The following GLRB variants were observed in gnomAD, a reference collection of about 807,000 sequenced individuals.
GLRB encodes glycine receptor subunit beta.
GLRB carries 33 observed loss-of-function variants against 54.2 expected under a neutral mutation model. That is an observed-to-expected ratio of 0.61 (90% CI 0.46 to 0.81). GLRB has a LOEUF of 0.81. Ranked by LOEUF, GLRB falls within the 40% of genes least tolerant of loss-of-function variation. The probability of loss-of-function intolerance (pLI) is 0.00; values close to 1 mark genes in which losing one functional copy is unlikely to be tolerated. For synonymous variants in GLRB, 209 were observed against 208.2 expected (o/e 1.00, Z -0.03); for missense variants, 572 against 584.6 (o/e 0.98, Z 0.22).
At chr4:157,141,708 A>G (rs571126346) in intron 7 of GLRB, among the ~76,000 whole-genome samples, 1 of 152,104 alleles carries the variant, frequency 6.6e-6, no homozygotes, top group South Asian at 2.1e-4. Context: ...GGAAAAGATC[A>G]AAAAAAGATC....
intron 7 of GLRB, among the ~76,000 whole-genome samples, chr4:157,139,276 T>A (rs1471975727): frequency 3.3e-5 from 5 of 152,116 alleles, no homozygotes; most frequent in Non-Finnish European, 7.4e-5. Context: ...GGATTCCACT[T>A]GGGGCTGAAC....
intron 4 of GLRB, among the ~76,000 whole-genome samples, chr4:157,134,539 G>T (rs546390172): frequency 1.4e-4 from 22 of 151,976 alleles, no homozygotes; most frequent in Admixed American, 1.2e-3. Context: ...ATACCTATAA[G>T]ATTTTAATAC....
intron 2 of GLRB, among the ~76,000 whole-genome samples, chr4:157,091,926 T>C (rs922786666): frequency 1.3e-5 from 2 of 152,186 alleles, no homozygotes; most frequent in Non-Finnish European, 2.9e-5. Flanking sequence ...CTAAGTCAAC[T>C]ACTCTATGAA....
chr4:157,118,579 C>T (rs1735690187), intron 2 of GLRB, among the ~76,000 whole-genome samples: 1 of 151,550 alleles, frequency 6.6e-6, no homozygotes, highest in South Asian at 2.1e-4. Context: ...GGAGGTCTAA[C>T]TGATTGATTT....
At chr4:157,123,818 T>A (rs1196759084) in intron 4 of GLRB, among the ~76,000 whole-genome samples, 2 of 151,698 alleles carry the variant, frequency 1.3e-5, no homozygotes, top group African/African-American at 4.8e-5. Context: ...ACTACACTAA[T>A]ACAGAAACAC....
At chr4:157,116,525 T>A (rs2126520316) in intron 2 of GLRB, among the ~76,000 whole-genome samples, 1 of 151,722 alleles carries the variant, frequency 6.6e-6, no homozygotes, top group Non-Finnish European at 1.5e-5. Flanking sequence ...TTTTCATGTT[T>A]ATTTTGTGTT....
intron 2 of GLRB, among the ~76,000 whole-genome samples, chr4:157,106,586 T>C (rs916074021): frequency 6.6e-6 from 1 of 151,962 alleles, no homozygotes; most frequent in African/African-American, 2.4e-5. Context: ...TCTTTCTCTC[T>C]CTCTCTTTTT....
chr4:157,141,001 AAAAG>A (rs1736589769), intron 7 of GLRB, among the ~76,000 whole-genome samples: 1 of 151,884 alleles, frequency 6.6e-6, no homozygotes, highest in Non-Finnish European at 1.5e-5. Flanking sequence ...AGTAGTGAAT[AAAAG>A]AAAGGTCCCT....
intron 2 of GLRB, among the ~76,000 whole-genome samples, chr4:157,082,609 G>A (rs1734262825): frequency 6.6e-6 from 1 of 152,122 alleles, no homozygotes; most frequent in South Asian, 2.1e-4. Flanking sequence ...AGGATACCTA[G>A]GTGAGTTAGC....
chr4:157,110,951 G>T (rs1735395392), intron 2 of GLRB, among the ~76,000 whole-genome samples: 2 of 151,998 alleles, frequency 1.3e-5, no homozygotes, highest in African/African-American at 4.8e-5. Context: ...TGGAATGCCA[G>T]ATCTATGATC....
chr4:157,141,605 C>T (rs546164354), intron 7 of GLRB, among the ~76,000 whole-genome samples: 3 of 151,958 alleles, frequency 2.0e-5, no homozygotes, highest in African/African-American at 7.2e-5. Flanking sequence ...TGGGATAAAA[C>T]TTCACAGGAA....
chr4:157,116,828 A>C, intron 2 of GLRB, among the ~76,000 whole-genome samples: 1 of 151,742 alleles, frequency 6.6e-6, no homozygotes, highest in African/African-American at 2.4e-5. Context: ...TCTAATACAA[A>C]TAAATGTGAA....
At chr4:157,098,965 G>A (rs868097591) in intron 2 of GLRB, among the ~76,000 whole-genome samples, 2 of 152,100 alleles carry the variant, frequency 1.3e-5, no homozygotes, top group East Asian at 3.9e-4. Context: ...AACCTCAGGG[G>A]CAGGAGAAAA....
chr4:157,077,937 C>G lies in GLRB; in HGVS notation c.-29-59C>G. 3.6e-6 allele frequency: 4 copies of G among 1,105,678 alleles called. No individual in the cohort carries two copies. In the South Asian group the frequency reaches 5.4e-5, roughly 15 times the overall value. 68.5% of individuals were successfully genotyped at this position (1,105,678 alleles called of 1,614,324 possible). A position where few individuals can be genotyped will look rare whatever the true frequency, so the allele number is the denominator to read the frequency against. ...GTAATGCTTATACTCTTTAAAGGGACAGTCATATAGTTATCATTTTCTTCA... is the reference window on the plus strand; with the variant it reads ...GTAATGCTTATACTCTTTAAAGGGAGAGTCATATAGTTATCATTTTCTTCA... On this transcript the variant is annotated intron_variant, in intron 1 of 9. Transcript: ENST00000264428.
intron 2 of GLRB, among the ~76,000 whole-genome samples, chr4:157,081,615 A>G (rs1734225628): frequency 1.3e-5 from 2 of 152,174 alleles, no homozygotes; most frequent in Non-Finnish European, 1.5e-5. Context: ...CAAATTCAGT[A>G]GTCACCAGAA....
chr4:157,090,918 A>G (rs2126450819), intron 2 of GLRB, among the ~76,000 whole-genome samples: 1 of 152,288 alleles, frequency 6.6e-6, no homozygotes, highest in Non-Finnish European at 1.5e-5. Context: ...TTCATATTTT[A>G]TCACTGGCAA....
chr4:157,088,194 C>T (rs963590385), intron 2 of GLRB, among the ~76,000 whole-genome samples: 6 of 152,114 alleles, frequency 3.9e-5, no homozygotes, highest in African/African-American at 1.4e-4. Context: ...GGGCTGATTG[C>T]TGAGAATAAC....
At chr4:157,168,886 C>A (rs1737816301) in intron 9 of GLRB, among the ~76,000 whole-genome samples, 1 of 151,948 alleles carries the variant, frequency 6.6e-6, no homozygotes, top group Non-Finnish European at 1.5e-5. Flanking sequence ...AATGTATAAT[C>A]ACAGAAGGAT....
rs757163799 is a variant in GLRB at position 157,136,540 on chromosome 4, G to T, written c.369G>T (p.Arg123Ser). The T allele has an allele frequency of 1.2e-6, 2 of 1,612,580 alleles. No individual in the cohort carries two copies. The highest frequency in any genetic ancestry group is 3.3e-5 in the Admixed American group (2 of 59,974). ...DPRLKLPSDF[R>S]GSDALTVDPT... ...GGCTGAAGCTCCCCAGTGATTTTAG[G>T]GGTTCAGATGCACTGACAGTGGATC... Residue 123 changes from arginine (R) to serine (S), a missense_variant, in exon 5 of 10, where the codon AGG becomes AGT. Physicochemically the swap from Arg to Ser is moderately radical, Grantham distance 110. Coordinates refer to ENST00000264428, the MANE Select transcript of GLRB (RefSeq NM_000824.5).
Sources: allele counts gnomAD v4.1 joint callset (sites outside exome capture counted in the v4.1 genomes callset), GRCh38; gene constraint gnomAD v4.1.1; transcripts MANE v1.5; gene names NCBI Gene and HGNC (gene_info 2026-07-23, HGNC 2026-07-21).